FARP2: variants seen among roughly 807,000 people sequenced by gnomAD.
FARP2 encodes FERM, ARH/RhoGEF and pleckstrin domain protein 2.
In FARP2, 111 loss-of-function variants were observed where a neutral mutation model predicts 130.5. That is an observed-to-expected ratio of 0.85 (90% CI 0.73 to 1.00). The LOEUF (loss-of-function observed/expected upper bound fraction) is 1.00. Among genes scored for constraint, FARP2 ranks in the 50% least tolerant of loss-of-function variants. The pLI is 0.00. For missense variants in FARP2, 1,385 were observed against 1,346.3 expected (o/e 1.03, Z -0.45); for synonymous variants, 504 against 516.9 (o/e 0.98, Z 0.34).
intron 1 of FARP2, 76 bp from the exon 2 acceptor site, chr2:241,373,008 A>G (rs1575465218): frequency 2.7e-6 from 2 of 741,340 alleles, no homozygotes; most frequent in East Asian, 3.2e-5. Flanking sequence ...GTCTCCGATA[A>G]TTTGTCTTTT....
At position 241,439,716 on chromosome 2, in the gene FARP2, C is replaced by G. The variant is rs537363347; in HGVS notation, c.1159-1588C>G. The stretch of plus-strand genomic sequence containing the variant: ...TGACTCAACAGCTGTAATACCAGCA[C>G]TTTGGGAGGTCAAGGCGGGCAGATC... On this transcript the variant is annotated intron_variant, in intron 12 of 26. Transcript: ENST00000264042. Among the ~76,000 whole-genome samples the G allele has an allele frequency of 1.6e-4, 24 of 152,266 alleles. No homozygotes were observed. The East Asian group carries it at 4.6e-3, about 29-fold the overall frequency.
At chr2:241,447,381 G>A (rs1021923378) in intron 13 of FARP2, among the ~76,000 whole-genome samples, 2 of 152,116 alleles carry the variant, frequency 1.3e-5, no homozygotes, top group African/African-American at 4.8e-5. Context: ...AAGGTGCCTT[G>A]CTTCTTCTTG....
At chr2:241,380,184 A>G (rs1163741682) in intron 2 of FARP2, among the ~76,000 whole-genome samples, 1 of 152,220 alleles carries the variant, frequency 6.6e-6, no homozygotes, top group Non-Finnish European at 1.5e-5. Context: ...ATAGCAGAGA[A>G]TAACCAAGTT....
chr2:241,366,129 A>ATATATACATATATATATATACGTATC (rs1553705686), intron 1 of FARP2, among the ~76,000 whole-genome samples: 1 of 99,204 alleles, frequency 1.0e-5, no homozygotes, highest in Non-Finnish European at 2.2e-5. Context: ...ATACGTATAT[A>ATATATACATATATATATATACGTATC]TATATATATA....
chr2:241,380,499 A>G (rs1408837655), intron 2 of FARP2, among the ~76,000 whole-genome samples: 1 of 152,182 alleles, frequency 6.6e-6, no homozygotes, highest in African/African-American at 2.4e-5. Flanking sequence ...TAACATGCTT[A>G]GGATCAGAAG....
chr2:241,376,404 A>G (rs544258134), intron 2 of FARP2, among the ~76,000 whole-genome samples: 7 of 152,308 alleles, frequency 4.6e-5, no homozygotes, highest in South Asian at 2.1e-4. Flanking sequence ...ATTTTTTGTA[A>G]TCTACCCTGA....
chr2:241,442,589 C>A, intron 13 of FARP2: 1 of 381,866 alleles, frequency 2.6e-6, no homozygotes, highest in South Asian at 1.9e-5. Context: ...TGGTTTAGAG[C>A]TCAGAATTGT....
intron 4 of FARP2, 72 bp from the exon 5 acceptor site, chr2:241,407,465 A>T (rs1483641811): frequency 9.2e-7 from 1 of 1,091,522 alleles, no homozygotes; most frequent in East Asian, 2.4e-5. Context: ...CCTCAGTTAT[A>T]CAGTAATATA....
At chr2:241,463,646 A>G (rs1184579277) in intron 16 of FARP2, 178 bp downstream of exon 16, 1 of 747,192 alleles carries the variant, frequency 1.3e-6, no homozygotes, top group African/African-American at 1.8e-5. Context: ...ACCCTCTTCC[A>G]GAAAAGAGAG....
At position 241,457,872 on chromosome 2, in the gene FARP2, A is replaced by G. The variant is rs530704641; in HGVS notation, c.1587+950A>G. ...GACAGTGGAGGAGCCACCTGGGGCG[A>G]GGGGGCGGTTCTCTGCTGTTGTGGC... On this transcript the variant is annotated intron_variant, in intron 14 of 26. Coordinates refer to ENST00000264042, the MANE Select transcript of FARP2 (RefSeq NM_014808.4). Among the ~76,000 whole-genome samples the G allele has an allele frequency of 2.6e-5, 4 of 152,124 alleles. No individual in the cohort carries two copies. The South Asian group carries it at 8.3e-4, about 32-fold the overall frequency.
intron 1 of FARP2, among the ~76,000 whole-genome samples, chr2:241,365,085 CCT>C (rs2061275072): frequency 6.6e-6 from 1 of 152,096 alleles, no homozygotes. Flanking sequence ...CTTCTCTCTC[CCT>C]CTCTCTCAGC....
chr2:241,493,627 C>T (rs1408931369), intron 26 of FARP2, 183 bp downstream of exon 26: 11 of 601,082 alleles, frequency 1.8e-5, no homozygotes, highest in Non-Finnish European at 3.2e-5. Flanking sequence ...TGGCGTCTCC[C>T]TCTGTCACTC....
rs2064898585 is a variant in FARP2 at position 241,491,312 on chromosome 2, C to A, written c.2623+133C>A. ...CCCCTTCCACAAGGAATGTTCCAGGCTACGCCTCATGCCTGGGCGGGAAGA... is the reference window on the plus strand; with the variant it reads ...CCCCTTCCACAAGGAATGTTCCAGGATACGCCTCATGCCTGGGCGGGAAGA... On this transcript the variant is annotated intron_variant, in intron 23 of 26. Transcript: ENST00000264042. The A allele has an allele frequency of 2.3e-6, 2 of 864,938 alleles. 1 individual carries two copies. The highest frequency in any genetic ancestry group is 3.1e-5 in the South Asian group (2 of 65,186). 53.6% of individuals were successfully genotyped at this position (864,938 alleles called of 1,614,324 possible).
Position 241,373,105 on chromosome 2 carries a change from A to C in FARP2, c.-3A>C. 14 of 1,366,642 alleles carry C rather than the reference A, an allele frequency of 1.0e-5. No individual in the cohort carries two copies. The highest frequency in any genetic ancestry group is 1.3e-5 in the Non-Finnish European group (14 of 1,045,158). 84.7% of individuals were successfully genotyped at this position (1,366,642 alleles called of 1,614,324 possible). ...TTAGTGTTTTCTTCACTCATGGTGA[A>C]GAATGGGGGAGATAGAAGGAACATA... On this transcript the variant is annotated 5_prime_UTR_variant, in exon 2 of 27. Transcript: ENST00000264042.
intron 2 of FARP2, among the ~76,000 whole-genome samples, chr2:241,383,827 A>T (rs949437329): frequency 1.4e-4 from 22 of 151,948 alleles, no homozygotes; most frequent in African/African-American, 5.3e-4. Context: ...CCATGGGAAG[A>T]GCTGCTTTGG....
intron 14 of FARP2, among the ~76,000 whole-genome samples, chr2:241,461,791 G>A (rs1203138820): frequency 6.6e-6 from 1 of 152,260 alleles, no homozygotes; most frequent in African/African-American, 2.4e-5. Flanking sequence ...TTCTGGGCAG[G>A]GAGAGGACGG....
chr2:241,492,550 T>C (rs2064958468), intron 24 of FARP2: 1 of 176,252 alleles, frequency 5.7e-6, no homozygotes, highest in African/African-American at 2.4e-5. Context: ...GGGCATCTTG[T>C]GTGTGCCTTT....
rs539297635 is a variant in FARP2 at position 241,459,924 on chromosome 2, A to C, written c.1588-2599A>C. Among the ~76,000 whole-genome samples the C allele has an allele frequency of 3.3e-5, 5 of 152,308 alleles. No homozygotes were observed. In the East Asian group the frequency reaches 9.7e-4, roughly 29 times the overall value. On this transcript the variant is annotated intron_variant, in intron 14 of 26. Coordinates refer to ENST00000264042, the MANE Select transcript of FARP2 (RefSeq NM_014808.4). This position sits in a 1 kb window ranked among gnomAD's most constrained non-coding sequence, Gnocchi z 5.3. ...GGTGGCACCTGTGATGAGAAGTCTC[A>C]TCAGCGACTGCTGTGGCTCTCTGAT...
At chr2:241,467,739 C>T (rs927100713) in intron 17 of FARP2, among the ~76,000 whole-genome samples, 25 of 151,984 alleles carry the variant, frequency 1.6e-4, no homozygotes, top group Non-Finnish European at 3.1e-4. Context: ...GTTTCTGGAG[C>T]GAGCCCTAAG....
Sources: gnomAD v4.1 joint callset for allele counts (sites outside exome capture counted in the v4.1 genomes callset) on GRCh38, gnomAD v4.1.1 for gene constraint, Gnocchi (gnomAD v3.1) non-coding constraint, MANE v1.5 for transcripts, NCBI Gene and HGNC (gene_info 2026-07-23, HGNC 2026-07-21) for gene names.